CSMD1: variants seen among roughly 807,000 people sequenced by gnomAD.
The protein encoded by CSMD1 is CUB and Sushi multiple domains 1.
CSMD1 carries 213 observed loss-of-function variants against 417.5 expected under a neutral mutation model. The observed-to-expected ratio is 0.51, with a 90% CI of 0.46 to 0.57. CSMD1 has a LOEUF of 0.57. CSMD1 is among the 20% of genes least tolerant of loss of function. The pLI is 0.00. For missense variants in CSMD1, 6,923 were observed against 4,529.7 expected, an observed-to-expected ratio of 1.53 and a Z score of -15.17; for synonymous variants, 2,862 against 1,736.8, an observed-to-expected ratio of 1.65 and a Z score of -16.11.
chr8:3,121,505 G>A (rs1242628819), intron 41 of CSMD1, among the ~76,000 whole-genome samples: 1 of 152,192 alleles, frequency 6.6e-6, no homozygotes, highest in Non-Finnish European at 1.5e-5. Context: ...AGCGGGAGAG[G>A]AGGAAACTTC....
intron 26 of CSMD1, among the ~76,000 whole-genome samples, chr8:3,252,870 C>G (rs1173178319): frequency 6.6e-6 from 1 of 152,178 alleles, no homozygotes; most frequent in South Asian, 2.1e-4. Context: ...ATAGTATTCT[C>G]TGATGGTAGT....
intron 3 of CSMD1, among the ~76,000 whole-genome samples, chr8:4,272,576 G>C (rs986188449): frequency 2.0e-5 from 3 of 152,302 alleles, no homozygotes; most frequent in Middle Eastern, 3.4e-3. Flanking sequence ...TTTACTTGCA[G>C]TATACCTTTT....
chr8:4,302,195 A>G (rs1798014603), intron 3 of CSMD1, among the ~76,000 whole-genome samples: 1 of 152,208 alleles, frequency 6.6e-6, no homozygotes, highest in Non-Finnish European at 1.5e-5. Context: ...GTACCTAATA[A>G]AAAACAAAGC....
chr8:3,733,217 TCATA>T (rs1193869060), intron 6 of CSMD1, among the ~76,000 whole-genome samples: 23 of 148,124 alleles, frequency 1.6e-4, no homozygotes, highest in Non-Finnish European at 3.3e-4. Context: ...TCTCTCTCTC[TCATA>T]CATACACATA....
intron 11 of CSMD1, among the ~76,000 whole-genome samples, chr8:3,492,450 C>T (rs1163580432): frequency 6.6e-6 from 1 of 152,206 alleles, no homozygotes; most frequent in Non-Finnish European, 1.5e-5. Flanking sequence ...ACCTGCAGAA[C>T]ACTTTCCATT....
chr8:4,826,183 C>T (rs374763780), intron 1 of CSMD1, among the ~76,000 whole-genome samples: 2 of 151,828 alleles, frequency 1.3e-5, no homozygotes, highest in East Asian at 1.9e-4. Context: ...ACATGAGTAC[C>T]CCAGTGTTCA....
At chr8:4,422,056 CACTA>C (rs1047002097) in intron 2 of CSMD1, among the ~76,000 whole-genome samples, 2 of 151,992 alleles carry the variant, frequency 1.3e-5, no homozygotes, top group Admixed American at 6.6e-5. Context: ...CAATATGGGT[CACTA>C]ACTCAAACAA....
intron 14 of CSMD1, among the ~76,000 whole-genome samples, chr8:3,407,647 G>T (rs150037653): frequency 3.9e-5 from 6 of 152,250 alleles, no homozygotes; most frequent in Non-Finnish European, 7.4e-5. Context: ...AGAAAGAGAT[G>T]TAAGGAGATG....
chr8:3,608,703 G>A (rs1801742464), intron 8 of CSMD1, among the ~76,000 whole-genome samples: 1 of 150,460 alleles, frequency 6.6e-6, no homozygotes, highest in Non-Finnish European at 1.5e-5. Flanking sequence ...GGTGGAGGCT[G>A]CAGTAAGCCG....
intron 1 of CSMD1, among the ~76,000 whole-genome samples, chr8:4,980,872 C>G (rs1318093800): frequency 2.0e-5 from 3 of 151,932 alleles, no homozygotes; most frequent in African/African-American, 4.8e-5. Context: ...CCACTGCACT[C>G]CAGCCTGGGT....
At chr8:3,803,644 G>C (rs921443831) in intron 5 of CSMD1, among the ~76,000 whole-genome samples, 13 of 152,112 alleles carry the variant, frequency 8.5e-5, no homozygotes, top group Non-Finnish European at 4.4e-5. Context: ...TGGAAGGAGA[G>C]GAGGGTTCAT....
chr8:4,925,577 C>T (rs574122616), intron 1 of CSMD1, among the ~76,000 whole-genome samples: 8 of 148,774 alleles, frequency 5.4e-5, no homozygotes, highest in South Asian at 2.1e-4. Context: ...GACGGAGTCT[C>T]GCTCTGTCTC....
intron 1 of CSMD1, among the ~76,000 whole-genome samples, chr8:4,932,322 C>T (rs1181251575): frequency 7.8e-6 from 1 of 128,102 alleles, no homozygotes; most frequent in Non-Finnish European, 1.7e-5. Context: ...AGTAACTACA[C>T]ACTTGACATA....
rs558996562 is a variant in CSMD1, at chr8:4,459,066, T to G, written c.303-39001A>C. 2.6e-5 allele frequency among the ~76,000 whole-genome samples: 4 copies of G among 152,256 alleles called. No individual in the cohort carries two copies. The East Asian group carries it at 7.7e-4, about 29-fold the overall frequency. On this transcript the variant is annotated intron_variant, in intron 2 of 69. Coordinates refer to ENST00000635120, the MANE Select transcript of CSMD1 (RefSeq NM_033225.6). ...TCTAGGTGAGTATGGCCAGGAAAACTAGATTCTCTCTACCTGCAGATTCCA... is the reference window on the plus strand; with the variant it reads ...TCTAGGTGAGTATGGCCAGGAAAACGAGATTCTCTCTACCTGCAGATTCCA...
chr8:3,063,230 T>C (rs1487019122), intron 49 of CSMD1, among the ~76,000 whole-genome samples: 2 of 152,194 alleles, frequency 1.3e-5, no homozygotes, highest in Non-Finnish European at 1.5e-5. Flanking sequence ...TCTGGTAAAC[T>C]AGTCAAGCCC....
At position 2,965,770 on chromosome 8, in the gene CSMD1, C is replaced by G. The variant is rs942967818; in HGVS notation, c.9280+5G>C. On this transcript the variant is annotated splice_donor_5th_base_variant and intron_variant, in intron 59 of 69. Transcript: ENST00000635120. ...CTGTAAAATCCAAAGAGTCACCAAA[C>G]AAACCTTTGCAGACAGGTTTGCTCG... is the stretch of plus-strand genomic sequence containing the variant. 2 of 1,597,188 alleles carry G rather than the reference C, an allele frequency of 1.3e-6. No homozygotes were observed. The highest frequency in any genetic ancestry group is 2.7e-5 in the African/African-American group (2 of 74,688).
chr8:3,079,448 A>C (rs111950635), intron 49 of CSMD1, among the ~76,000 whole-genome samples: 2 of 152,248 alleles, frequency 1.3e-5, no homozygotes, highest in Non-Finnish European at 2.9e-5. Flanking sequence ...TATTGTATTA[A>C]TATCACAAAA....
intron 37 of CSMD1, among the ~76,000 whole-genome samples, chr8:3,176,448 A>G (rs1286580284): frequency 6.6e-6 from 1 of 152,204 alleles, no homozygotes; most frequent in Non-Finnish European, 1.5e-5. Flanking sequence ...ACTTCTCCAC[A>G]GTTAACCTAA....
chr8:4,298,452 A>C (rs1214289211), intron 3 of CSMD1, among the ~76,000 whole-genome samples: 4 of 152,152 alleles, frequency 2.6e-5, no homozygotes, highest in Non-Finnish European at 5.9e-5. Context: ...TTCCCTATAC[A>C]GGAAATTACT....
Sources: gnomAD v4.1 joint callset for allele counts (sites outside exome capture counted in the v4.1 genomes callset) on GRCh38, gnomAD v4.1.1 for gene constraint, MANE v1.5 for transcripts, NCBI Gene and HGNC (gene_info 2026-07-23, HGNC 2026-07-21) for gene names.